The following CUBN variants were observed in gnomAD, a reference collection of about 807,000 sequenced individuals.
CUBN encodes the protein cubilin.
A neutral mutation model predicts 405.3 loss-of-function variants in CUBN; 282 were observed. The ratio of observed to expected loss-of-function variants is 0.70; its 90% CI spans 0.63 to 0.77. The LOEUF (loss-of-function observed/expected upper bound fraction) is 0.77, where lower values mean the gene tolerates loss of function less well. Ranked by LOEUF, CUBN falls within the 30% of genes least tolerant of loss-of-function variation. The pLI is 0.00. For missense variants in CUBN, 4,514 were observed against 4,475.2 expected (o/e 1.01, Z -0.25); for synonymous variants, 1,684 against 1,617.0 (o/e 1.04, Z -0.99).
rs187778884 is a variant in CUBN at position 17,098,437 on chromosome 10, A to G, written c.1765+1568T>C. Among the ~76,000 whole-genome samples, 21 of 152,350 alleles carry G rather than the reference A, an allele frequency of 1.4e-4. No homozygotes were observed. In the East Asian group the frequency reaches 3.5e-3, roughly 25 times the overall value. On this transcript the variant is annotated intron_variant, in intron 14 of 66. Transcript: ENST00000377833. ...TAGGAAAGAACACTCTTCATCTGAT[A>G]AAAATTATCTGTGAAAACTTACAGC... is the stretch of plus-strand genomic sequence containing the variant.
chr10:16,997,200 C>G (rs1260877395), intron 28 of CUBN, among the ~76,000 whole-genome samples: 1 of 152,094 alleles, frequency 6.6e-6, no homozygotes, highest in Non-Finnish European at 1.5e-5. Flanking sequence ...CTTAGGGAGG[C>G]AAAGGCAGGC....
intron 66 of CUBN, among the ~76,000 whole-genome samples, chr10:16,825,805 C>T (rs1033883430): frequency 2.0e-5 from 3 of 152,110 alleles, no homozygotes; most frequent in South Asian, 2.1e-4. Context: ...AAGCCCTGCT[C>T]TCATGATGCT....
chr10:16,850,631 C>T (rs1839658995), intron 60 of CUBN, among the ~76,000 whole-genome samples: 1 of 152,102 alleles, frequency 6.6e-6, no homozygotes, highest in African/African-American at 2.4e-5. Flanking sequence ...GCCGCCACAC[C>T]CGGCTAATTT....
chr10:16,947,197 A>C, intron 36 of CUBN, 38 bp downstream of exon 36: 2 of 1,610,086 alleles, frequency 1.2e-6, no homozygotes, highest in Non-Finnish European at 1.7e-6. Flanking sequence ...CTACAGATTC[A>C]TTAGCACTGA....
At chr10:17,003,321 G>A (rs917558157) in intron 28 of CUBN, among the ~76,000 whole-genome samples, 5 of 152,024 alleles carry the variant, frequency 3.3e-5, no homozygotes, top group Non-Finnish European at 4.4e-5. Flanking sequence ...CATTACCAAC[G>A]GAGAGAAGGT....
At chr10:16,902,061 G>A (rs1841403999) in intron 51 of CUBN, among the ~76,000 whole-genome samples, 2 of 117,792 alleles carry the variant, frequency 1.7e-5, no homozygotes, top group Non-Finnish European at 1.7e-5. Context: ...CATATATAGG[G>A]TATATATATA....
chr10:16,888,905 CAG>C (rs1405651459), intron 55 of CUBN, among the ~76,000 whole-genome samples: 3 of 152,006 alleles, frequency 2.0e-5, no homozygotes, highest in East Asian at 3.9e-4. Context: ...AGAAATAAAA[CAG>C]ATAAAAAATG....
chr10:16,933,251 G>T lies in CUBN; in HGVS notation c.5960C>A (p.Ala1987Glu). The change falls in exon 40 of 67, where the codon GCA becomes GAA. Residue 1987 changes from alanine to glutamate, a missense_variant. Ala to Glu is a moderately radical substitution (Grantham distance 107). This residue lies in a region of CUBN where 1,613 missense variants were observed against 1,542.8 expected (regional missense o/e 1.05). Coordinates refer to ENST00000377833, the MANE Select transcript of CUBN (RefSeq NM_001081.4). ...GCCCGGGGAGAAGAGAAACACGGGT[G>T]CATCTCCCGTCCTCAGGAAGCCACC... ...ACGGFLRTGDAPVFLFSPGWP... is the reference protein window; with the variant it reads ...ACGGFLRTGDEPVFLFSPGWP... 1 of 1,613,874 alleles carries T rather than the reference G, an allele frequency of 6.2e-7. No individual in the cohort carries two copies. The highest frequency in any genetic ancestry group is 8.5e-7 in the Non-Finnish European group (1 of 1,179,948).
rs10556050 is a variant in CUBN, at chr10:17,104,812, ATT to A, written c.1231-209_1231-208del. 0.28 allele frequency among the ~76,000 whole-genome samples: 38,853 copies of A among 138,324 alleles called. 6,561 individuals carry two copies. Among genetic ancestry groups the A allele is most frequent in the East Asian group, 0.52 (2,457 of 4,752 alleles). The allele number at this position is 138,324 out of a possible 152,430, so 90.7% of individuals were successfully genotyped here. A position where few individuals can be genotyped will look rare whatever the true frequency, so the allele number is the denominator to read the frequency against. ...ATATATGTATAATTATATATATATA[ATT>A]TTTTTTTTTTTTGAGATGGAGTCTC... On this transcript the variant is annotated intron_variant, in intron 11 of 66. Transcript: ENST00000377833.
At chr10:16,926,809 T>TTCTA (rs72523233) in intron 41 of CUBN, among the ~76,000 whole-genome samples, 11,685 of 41,588 alleles carry the variant, frequency 0.28, 516 homozygotes, top group Middle Eastern at 0.34. Context: ...AAATTTTTTT[T>TTCTA]TCTATCTATC....
chr10:16,991,435 G>A (rs954444481), intron 28 of CUBN, among the ~76,000 whole-genome samples: 2 of 152,152 alleles, frequency 1.3e-5, no homozygotes, highest in Non-Finnish European at 2.9e-5. Context: ...ATACCGCACA[G>A]GCTCTCAAAT....
At chr10:16,927,722 A>G (rs1842230466) in intron 41 of CUBN, among the ~76,000 whole-genome samples, 1 of 152,242 alleles carries the variant, frequency 6.6e-6, no homozygotes, top group Non-Finnish European at 1.5e-5. Context: ...TTTCAAGAGC[A>G]ACAAACTCTT....
intron 56 of CUBN, among the ~76,000 whole-genome samples, chr10:16,886,714 G>T (rs990528822): frequency 2.6e-5 from 4 of 152,236 alleles, no homozygotes; most frequent in Non-Finnish European, 5.9e-5. Context: ...TCAGGACTGA[G>T]AAGATGAAGA....
At position 17,015,645 on chromosome 10, in the gene CUBN, C is replaced by T. The variant is rs138104822; in HGVS notation, c.4168+4188G>A. On this transcript the variant is annotated intron_variant, in intron 28 of 66. Transcript: ENST00000377833. ...GGCTCAATAAGGGTCATAACATGAG[C>T]TGGCACTTGCCCTGGGCACCCTCAG... Among the ~76,000 whole-genome samples, 1,433 of 152,266 alleles carry T rather than the reference C, an allele frequency of 9.4e-3. 9 individuals carry two copies. The highest frequency in any genetic ancestry group is 0.015 in the Non-Finnish European group (1,007 of 68,026).
intron 22 of CUBN, among the ~76,000 whole-genome samples, chr10:17,048,157 G>T (rs756796141): frequency 2.6e-5 from 4 of 152,194 alleles, no homozygotes; most frequent in Non-Finnish European, 5.9e-5. Context: ...CTCACATCTC[G>T]CAAATGAAGA....
Position 16,900,860 on chromosome 10 carries a change from AAAAAAG to A in CUBN, c.8185-16_8185-11del. The stretch of plus-strand genomic sequence containing the variant: ...AGTCACTAAATGTGAGCTGCAGGAG[AAAAAAG>A]AAAATGGTTGTCAGTGAGCTTTTAT... On this transcript the variant is annotated splice_polypyrimidine_tract_variant and intron_variant, in intron 52 of 66. Coordinates refer to ENST00000377833, the MANE Select transcript of CUBN (RefSeq NM_001081.4). 6.3e-7 allele frequency: 1 copy of A among 1,590,826 alleles called. No individual in the cohort carries two copies. Among genetic ancestry groups the A allele is most frequent in the Non-Finnish European group, 8.6e-7 (1 of 1,161,414 alleles).
rs751097634 is a variant in CUBN at position 16,990,379 on chromosome 10, G to A, written c.4305C>T (p.Asp1435=). ...PGSSIQLTIH[D]FDVEYHSRCN... ...ACCTTGAATGATACTCCACATCGAA[G>A]TCATGGATGGTGAGCTGAATGCTAC... is the stretch of plus-strand genomic sequence containing the variant. Residue 1435 remains aspartate, a synonymous_variant, in exon 29 of 67, where the codon GAC becomes GAT. Coordinates refer to ENST00000377833, the MANE Select transcript of CUBN (RefSeq NM_001081.4). The A allele has an allele frequency of 1.9e-6, 3 of 1,614,158 alleles. No homozygotes were observed. Among genetic ancestry groups the A allele is most frequent in the Non-Finnish European group, 2.5e-6 (3 of 1,180,032 alleles).
At chr10:17,101,494 T>A (rs1426106754) in intron 13 of CUBN, among the ~76,000 whole-genome samples, 1 of 102,056 alleles carries the variant, frequency 9.8e-6, no homozygotes, top group Non-Finnish European at 2.5e-5. Context: ...TCCTCCCTCC[T>A]CAAAGGAAAA....
chr10:16,984,230 G>A lies in CUBN; in HGVS notation c.4400C>T (p.Thr1467Ile). 1.9e-6 allele frequency: 3 copies of A among 1,614,112 alleles called. No homozygotes were observed. Among genetic ancestry groups the A allele is most frequent in the Non-Finnish European group, 2.5e-6 (3 of 1,180,012 alleles). The change falls in exon 30 of 67, where the codon ACC becomes ATC. Residue 1467 changes from threonine to isoleucine, a missense_variant. Physicochemically the swap from Thr to Ile is moderately conservative, Grantham distance 89. Transcript: ENST00000377833. ...CATGGGGTTCTCAGGTGATCTCTGG[G>A]TACACAGTTGGGCTATTCTGGGAGA... Reference protein sequence around the residue: ...FHSPRIAQLCTQRSPENPMQV... With the variant: ...FHSPRIAQLCIQRSPENPMQV...
Sources: gnomAD v4.1 joint callset for allele counts (sites outside exome capture counted in the v4.1 genomes callset) on GRCh38, gnomAD v4.1.1 for gene constraint, gnomAD v4.1.1 regional missense constraint, MANE v1.5 for transcripts, NCBI Gene and HGNC (gene_info 2026-07-23, HGNC 2026-07-21) for gene names.